The following AKT2 variants were observed in gnomAD, a reference collection of about 807,000 sequenced individuals.
The protein encoded by AKT2 is AKT serine/threonine kinase 2, also known as RAC-beta serine/threonine-protein kinase.
Under a neutral mutation model 58.6 loss-of-function variants are expected in AKT2, and 16 were observed. The observed-to-expected ratio is 0.27, with a 90% CI of 0.18 to 0.41. The LOEUF (loss-of-function observed/expected upper bound fraction) is 0.41. Ranked by LOEUF, AKT2 falls within the 10% of genes least tolerant of loss-of-function variation. AKT2 has a pLI of 1.00. For synonymous variants in AKT2, 253 were observed against 254.0 expected (o/e 1.00, Z 0.04); for missense variants, 438 against 661.0 (o/e 0.66, Z 3.70).
intron 2 of AKT2, among the ~76,000 whole-genome samples, chr19:40,263,112 G>A (rs916333650): frequency 6.6e-6 from 1 of 152,180 alleles, no homozygotes; most frequent in African/African-American, 2.4e-5. Context: ...GACACTGAAG[G>A]CCCAAGAGGG....
intron 1 of AKT2, among the ~76,000 whole-genome samples, chr19:40,268,100 T>A (rs898217966): frequency 4.0e-5 from 6 of 150,936 alleles, no homozygotes; most frequent in African/African-American, 1.5e-4. Flanking sequence ...GAGAAGCCCG[T>A]CCCCTACACG....
In AKT2 at chr19:40,232,159, A is replaced by G. The variant is rs1226066505; in HGVS notation, c.*1713T>C. The stretch of plus-strand genomic sequence containing the variant: ...CAGCCCCACAGCACCAGCTCCACCC[A>G]CCCTCTCCAGCCTGAGCTCCTGCAC... On this transcript the variant is annotated 3_prime_UTR_variant, in exon 14 of 14. Coordinates refer to ENST00000392038, the MANE Select transcript of AKT2 (RefSeq NM_001626.6). 4.3e-6 allele frequency: 1 copy of G among 232,798 alleles called. No homozygotes were observed. The highest frequency in any genetic ancestry group is 8.5e-6 in the Non-Finnish European group (1 of 118,236). The allele number at this position is 232,798 out of a possible 1,614,324, so 14.4% of individuals were successfully genotyped here. A position where few individuals can be genotyped will look rare whatever the true frequency, so the allele number is the denominator to read the frequency against.
chr19:40,283,403 G>C (rs1361328107), intron 1 of AKT2, among the ~76,000 whole-genome samples: 1 of 152,206 alleles, frequency 6.6e-6, no homozygotes, highest in East Asian at 1.9e-4. Context: ...CAAACCCCTA[G>C]TGGAGAAAGA....
intron 1 of AKT2, chr19:40,266,075 C>A (rs749168435): frequency 6.6e-6 from 1 of 152,528 alleles, no homozygotes; most frequent in Non-Finnish European, 1.5e-5. Context: ...CTGATCCCTA[C>A]CCCAAGACCT....
chr19:40,234,175 C>T lies in AKT2; in HGVS notation c.1367-224G>A, dbSNP rs962828015. On this transcript the variant is annotated intron_variant, in intron 13 of 13. Transcript: ENST00000392038. This position sits in a 1 kb window ranked among gnomAD's most constrained non-coding sequence, Gnocchi z 4.7. ...TTTCCTGTGCCCTTGCCCATGCGCC[C>T]CACAGCTGGCAGGGCCTTCTGAGCC... Among the ~76,000 whole-genome samples the T allele has an allele frequency of 6.6e-6, 1 of 152,202 alleles. No individual in the cohort carries two copies. Among genetic ancestry groups the T allele is most frequent in the African/African-American group, 2.4e-5 (1 of 41,448 alleles).
rs899217405 is a variant in AKT2, at chr19:40,231,453, C to G, written c.*2419G>C. 3 of 233,312 alleles carry G rather than the reference C, an allele frequency of 1.3e-5. No homozygotes were observed. The East Asian group carries it at 1.8e-4, about 14-fold the overall frequency. 14.5% of individuals were successfully genotyped at this position (233,312 alleles called of 1,614,324 possible). On this transcript the variant is annotated 3_prime_UTR_variant, in exon 14 of 14. Transcript: ENST00000392038. Reference sequence around the variant, plus strand: ...TTTAGAAAGACAAACTAAAAAACCCCAACCAAACGAGTCCTAGCTGTAGCT... The same window carrying G: ...TTTAGAAAGACAAACTAAAAAACCCGAACCAAACGAGTCCTAGCTGTAGCT...
chr19:40,253,982 T>TAA (rs756229908), intron 4 of AKT2, among the ~76,000 whole-genome samples: 323 of 133,980 alleles, frequency 2.4e-3, no homozygotes, highest in African/African-American at 7.9e-3. Flanking sequence ...CTTTTGTATT[T>TAA]AAAAAAAAAA....
At chr19:40,262,807 T>C (rs1976058973) in intron 2 of AKT2, among the ~76,000 whole-genome samples, 1 of 152,228 alleles carries the variant, frequency 6.6e-6, no homozygotes, top group Non-Finnish European at 1.5e-5. Context: ...GAGACAGGTG[T>C]CTGGCACACA....
intron 4 of AKT2, among the ~76,000 whole-genome samples, chr19:40,246,082 GT>G (rs1435444671): frequency 5.3e-5 from 5 of 94,250 alleles, no homozygotes; most frequent in Non-Finnish European, 1.0e-4. Context: ...TAATATTCCT[GT>G]TTTTCAAAAA....
At chr19:40,258,711 G>C (rs1221808684) in intron 2 of AKT2, among the ~76,000 whole-genome samples, 1 of 150,414 alleles carries the variant, frequency 6.6e-6, no homozygotes, top group Non-Finnish European at 1.5e-5. Context: ...CTTAACCAAG[G>C]GGGTGAAGGG....
At chr19:40,264,370 G>A (rs1017239178) in intron 2 of AKT2, among the ~76,000 whole-genome samples, 2 of 152,152 alleles carry the variant, frequency 1.3e-5, no homozygotes, top group African/African-American at 4.8e-5. Context: ...TTCACTAAAA[G>A]GGGACCTCAG....
chr19:40,233,663 G>T lies in AKT2; in HGVS notation c.*209C>A, dbSNP rs1187927429. 2.6e-6 allele frequency: 2 copies of T among 763,050 alleles called. No homozygotes were observed. Among genetic ancestry groups the T allele is most frequent in the Non-Finnish European group, 4.8e-6 (2 of 417,922 alleles). 47.3% of individuals were successfully genotyped at this position (763,050 alleles called of 1,614,324 possible). A position where few individuals can be genotyped will look rare whatever the true frequency, so the allele number is the denominator to read the frequency against. On this transcript the variant is annotated 3_prime_UTR_variant, in exon 14 of 14. Coordinates refer to ENST00000392038, the MANE Select transcript of AKT2 (RefSeq NM_001626.6). This position sits in a 1 kb window ranked among gnomAD's most constrained non-coding sequence, Gnocchi z 4.3. The stretch of plus-strand genomic sequence containing the variant: ...GGGAGGTGGAGTCTTCCAAATGCGA[G>T]TCTGGGCACAAAGGTGAGGCTGGAG...
rs1456928341 is a variant in AKT2, at chr19:40,237,901, C to A, written c.831+68G>T. 6.2e-7 allele frequency: 1 copy of A among 1,601,982 alleles called. No individual in the cohort carries two copies. Among genetic ancestry groups the A allele is most frequent in the African/African-American group, 1.3e-5 (1 of 74,770 alleles). ...GAATGAGGGCAGAAGCTCAGCCCAACTTCCCCAGTGTGAGTCCCATGTGGT... is the reference window on the plus strand; with the variant it reads ...GAATGAGGGCAGAAGCTCAGCCCAAATTCCCCAGTGTGAGTCCCATGTGGT... On this transcript the variant is annotated intron_variant, in intron 9 of 13. Transcript: ENST00000392038. The surrounding 1 kb of genome is among the most constrained non-coding windows in gnomAD (Gnocchi z 4.5).
chr19:40,243,228 G>T lies in AKT2; in HGVS notation c.288-541C>A, dbSNP rs188428408. On this transcript the variant is annotated intron_variant, in intron 4 of 13. Transcript: ENST00000392038. ...GAGGGCCATTTGAAGCCAGGCAGCA[G>T]GGAAATGATCAAAAAGGAGTGACCC... 121 of 159,944 alleles carry T rather than the reference G, an allele frequency of 7.6e-4. No individual in the cohort carries two copies. The South Asian group carries it at 0.02, about 27-fold the overall frequency. 9.9% of individuals were successfully genotyped at this position (159,944 alleles called of 1,614,324 possible).
intron 1 of AKT2, chr19:40,265,610 G>A: frequency 9.2e-6 from 4 of 436,666 alleles, no homozygotes; most frequent in South Asian, 9.1e-5. Context: ...GGACACCCAT[G>A]CTGGGGGGAG....
chr19:40,251,472 A>G (rs929330358), intron 4 of AKT2, among the ~76,000 whole-genome samples: 1 of 152,250 alleles, frequency 6.6e-6, no homozygotes, highest in African/African-American at 2.4e-5. Flanking sequence ...GGGGAACAAA[A>G]GTAAACAACA....
intron 6 of AKT2, 178 bp downstream of exon 6, chr19:40,241,760 C>G: frequency 1.2e-5 from 12 of 966,550 alleles, no homozygotes; most frequent in Non-Finnish European, 1.7e-5. Flanking sequence ...GGGGACTCAG[C>G]AGCAAGGCCT....
At position 40,242,452 on chromosome 19, in the gene AKT2, T is replaced by C; in HGVS notation, c.441+82A>G. 1.9e-6 allele frequency: 3 copies of C among 1,592,178 alleles called. No homozygotes were observed. In the South Asian group the frequency reaches 3.3e-5, roughly 18 times the overall value. On this transcript the variant is annotated intron_variant, in intron 5 of 13. Transcript: ENST00000392038. The surrounding 1 kb of genome is among the most constrained non-coding windows in gnomAD (Gnocchi z 4.3). ...CTCAGCTGAGCCCCCTGAACTGTGT[T>C]ATGGAAACCAAGGAGAGCAGGCCAG...
intron 1 of AKT2, among the ~76,000 whole-genome samples, chr19:40,272,870 G>A (rs1302541690): frequency 1.3e-5 from 2 of 152,182 alleles, no homozygotes; most frequent in East Asian, 1.9e-4. Context: ...CACCTGCTGT[G>A]AGACCTTGGG....
Sources: gnomAD v4.1 joint callset for allele counts (sites outside exome capture counted in the v4.1 genomes callset) on GRCh38, gnomAD v4.1.1 for gene constraint, Gnocchi (gnomAD v3.1) non-coding constraint, MANE v1.5 for transcripts, NCBI Gene and HGNC (gene_info 2026-07-23, HGNC 2026-07-21) for gene names.